CNTNAP5: variants seen among roughly 807,000 people sequenced by gnomAD.
CNTNAP5 encodes contactin associated protein family member 5.
In CNTNAP5, 72 loss-of-function variants were observed where a neutral mutation model predicts 150.2. That is an observed-to-expected ratio of 0.48 (90% CI 0.40 to 0.58). The LOEUF (loss-of-function observed/expected upper bound fraction) is 0.58, where lower values mean the gene tolerates loss of function less well. Among genes scored for constraint, CNTNAP5 ranks in the 20% least tolerant of loss-of-function variants. CNTNAP5 has a pLI of 0.00. For missense variants in CNTNAP5, 1,636 were observed against 1,626.2 expected (o/e 1.01, Z -0.10); for synonymous variants, 672 against 619.8 (o/e 1.08, Z -1.25).
intron 12 of CNTNAP5, among the ~76,000 whole-genome samples, chr2:124,615,515 A>C (rs1677477036): frequency 6.6e-6 from 1 of 152,136 alleles, no homozygotes; most frequent in Admixed American, 6.5e-5. Context: ...TTCAGGTTCC[A>C]CTTCTAATTC....
intron 13 of CNTNAP5, among the ~76,000 whole-genome samples, chr2:124,677,718 G>A (rs1345894062): frequency 1.3e-5 from 2 of 151,416 alleles, no homozygotes; most frequent in African/African-American, 4.8e-5. Flanking sequence ...GCTGATTGGT[G>A]TGGTTTTACA....
chr2:124,672,447 A>G (rs920942040), intron 13 of CNTNAP5, among the ~76,000 whole-genome samples: 7 of 152,206 alleles, frequency 4.6e-5, no homozygotes, highest in Non-Finnish European at 1.0e-4. Context: ...AAAAGAAAGA[A>G]ATACTGAAAG....
rs546606564 is a variant in CNTNAP5, at chr2:124,896,687, C to T, written c.3437-6195C>T. 2.4e-4 allele frequency among the ~76,000 whole-genome samples: 36 copies of T among 151,382 alleles called. 2 individuals carry two copies. Among genetic ancestry groups the T allele is most frequent in the South Asian group, 1.0e-3 (5 of 4,822 alleles). ...CCAAGTAGCTGAGATTACAGGTGTG[C>T]ACCACCATGTCCCGCTAATTTCTGT... On this transcript the variant is annotated intron_variant, in intron 21 of 23. Coordinates refer to ENST00000682447, the MANE Select transcript of CNTNAP5 (RefSeq NM_001367498.1).
At chr2:124,212,833 T>G (rs374315085) in intron 1 of CNTNAP5, among the ~76,000 whole-genome samples, 5 of 89,396 alleles carry the variant, frequency 5.6e-5, no homozygotes, top group Non-Finnish European at 1.2e-4. Flanking sequence ...ATAAATCTTT[T>G]TTTTTTTTTT....
rs1573937044 is a variant in CNTNAP5 at position 124,355,895 on chromosome 2, A to G, written c.382-61548A>G. Among the ~76,000 whole-genome samples the G allele has an allele frequency of 2.6e-5, 4 of 152,172 alleles. No homozygotes were observed. In the South Asian group the frequency reaches 6.2e-4, roughly 24 times the overall value. ...CCTGTGAGCTCTGCTTAGCCTTTGG[A>G]ATATCTAGTGTCTAAAAGAATAGAG... On this transcript the variant is annotated intron_variant, in intron 3 of 23. Transcript: ENST00000682447.
rs570507210 is a variant in CNTNAP5, at chr2:124,444,630, A to G, written c.734-2123A>G. ...AACAAACAAACAAACAAGCAAAAAA[A>G]TACAGTAATCTGCATTAGTAACCTC... On this transcript the variant is annotated intron_variant, in intron 5 of 23. Coordinates refer to ENST00000682447, the MANE Select transcript of CNTNAP5 (RefSeq NM_001367498.1). 5.3e-3 allele frequency among the ~76,000 whole-genome samples: 810 copies of G among 152,238 alleles called. 8 individuals are homozygous for G. The highest frequency in any genetic ancestry group is 0.018 in the African/African-American group (761 of 41,530).
intron 3 of CNTNAP5, among the ~76,000 whole-genome samples, chr2:124,411,239 G>C (rs1399440888): frequency 3.9e-5 from 6 of 152,226 alleles, no homozygotes; most frequent in East Asian, 1.9e-4. Flanking sequence ...ATAATCAATA[G>C]TTTACCAACC....
intron 7 of CNTNAP5, among the ~76,000 whole-genome samples, chr2:124,481,953 C>T (rs1006290492): frequency 2.0e-5 from 3 of 152,202 alleles, no homozygotes; most frequent in South Asian, 2.1e-4. Flanking sequence ...CCACATTCCA[C>T]GCCCACTGGC....
At chr2:124,570,018 A>G (rs1362365798) in intron 11 of CNTNAP5, among the ~76,000 whole-genome samples, 1 of 152,198 alleles carries the variant, frequency 6.6e-6, no homozygotes, top group African/African-American at 2.4e-5. Context: ...CATATAGGCT[A>G]TTATAGAAAT....
intron 1 of CNTNAP5, among the ~76,000 whole-genome samples, chr2:124,188,490 T>C (rs1235497503): frequency 2.0e-5 from 3 of 151,420 alleles, no homozygotes; most frequent in African/African-American, 4.8e-5. Flanking sequence ...GAGGCCAAGG[T>C]GGGCGGATCA....
At chr2:124,747,828 A>G (rs1323832937) in intron 14 of CNTNAP5, among the ~76,000 whole-genome samples, 3 of 129,320 alleles carry the variant, frequency 2.3e-5, no homozygotes, top group Non-Finnish European at 4.8e-5. Flanking sequence ...AGTTGAGACA[A>G]GAGTTTCACC....
At chr2:124,576,128 G>A (rs1696276688) in intron 11 of CNTNAP5, among the ~76,000 whole-genome samples, 1 of 148,198 alleles carries the variant, frequency 6.7e-6, no homozygotes, top group African/African-American at 2.6e-5. Context: ...TAGGATTTTT[G>A]GATGGCTGTA....
At chr2:124,461,411 G>C (rs552329794) in intron 6 of CNTNAP5, among the ~76,000 whole-genome samples, 200 of 151,200 alleles carry the variant, frequency 1.3e-3, no homozygotes, top group African/African-American at 4.4e-3. Flanking sequence ...ATCATTCTCA[G>C]TAAACTATCG....
chr2:124,723,259 C>A (rs1680085751), intron 13 of CNTNAP5, among the ~76,000 whole-genome samples: 1 of 152,146 alleles, frequency 6.6e-6, no homozygotes, highest in African/African-American at 2.4e-5. Context: ...TCATCACATA[C>A]AATATGCACT....
intron 3 of CNTNAP5, among the ~76,000 whole-genome samples, chr2:124,249,142 C>A (rs1573865976): frequency 6.6e-6 from 1 of 152,264 alleles, no homozygotes; most frequent in Non-Finnish European, 1.5e-5. Context: ...ACCATCAATT[C>A]TCCTCAGATG....
At chr2:124,209,383 T>C (rs1685947160) in intron 1 of CNTNAP5, among the ~76,000 whole-genome samples, 1 of 152,214 alleles carries the variant, frequency 6.6e-6, no homozygotes, top group African/African-American at 2.4e-5. Flanking sequence ...CTGGCTGAGA[T>C]GATTTTTGCA....
chr2:124,680,081 G>T (rs75253631), intron 13 of CNTNAP5, among the ~76,000 whole-genome samples: 1,926 of 151,758 alleles, frequency 0.013, 36 homozygotes, highest in Middle Eastern at 0.024. Context: ...CCTCAAATGA[G>T]TATCCAGAAA....
chr2:124,326,972 CTTTTTTTT>C (rs1192969997), intron 3 of CNTNAP5, among the ~76,000 whole-genome samples: 1 of 68,534 alleles, frequency 1.5e-5, no homozygotes, highest in East Asian at 2.9e-4. Context: ...TAGATCCTGA[CTTTTTTTT>C]TTTTTTTTTT....
rs188359457 is a variant in CNTNAP5, at chr2:124,221,934, C to T, written c.187+125C>T. 77 of 645,208 alleles carry T rather than the reference C, an allele frequency of 1.2e-4. 1 individual carries two copies. The highest frequency in any genetic ancestry group is 6.4e-4 in the Admixed American group (26 of 40,732). The allele number at this position is 645,208 out of a possible 1,614,324, so 40.0% of individuals were successfully genotyped here. On this transcript the variant is annotated intron_variant, in intron 2 of 23. Transcript: ENST00000682447. Reference sequence around the variant, plus strand: ...ATGGCCGTCTTCAGGAAAATATTTACGAGGAGAGGAGTGAAAATCTAATGT... The same window carrying T: ...ATGGCCGTCTTCAGGAAAATATTTATGAGGAGAGGAGTGAAAATCTAATGT...
Sources: allele counts gnomAD v4.1 joint callset (sites outside exome capture counted in the v4.1 genomes callset), GRCh38; gene constraint gnomAD v4.1.1; transcripts MANE v1.5; gene names NCBI Gene and HGNC (gene_info 2026-07-23, HGNC 2026-07-21).